Variants in UTRN observed in about 807,000 individuals in gnomAD.
The protein encoded by UTRN is utrophin.
UTRN carries 283 observed loss-of-function variants against 463.9 expected under a neutral mutation model. The ratio of observed to expected loss-of-function variants is 0.61; its 90% confidence interval spans 0.55 to 0.67. The LOEUF (loss-of-function observed/expected upper bound fraction) is 0.67. UTRN is among the 30% of genes least tolerant of loss of function. The pLI, the probability that UTRN is intolerant of heterozygous loss-of-function variation, is 0.00. For missense variants in UTRN, 3,922 were observed against 4,084.3 expected, an observed-to-expected ratio of 0.96 and a Z score of 1.08; for synonymous variants, 1,442 against 1,431.5, an observed-to-expected ratio of 1.01 and a Z score of -0.17.
At chr6:144,791,449 G>A (rs1035090073) in intron 62 of UTRN, among the ~76,000 whole-genome samples, 2 of 151,942 alleles carry the variant, frequency 1.3e-5, no homozygotes, top group Admixed American at 6.6e-5. Context: ...GTTCATGCCT[G>A]TAGTCCTAGC....
intron 17 of UTRN, among the ~76,000 whole-genome samples, 160 bp from the exon 18 acceptor site, chr6:144,451,210 T>A (rs1204909089): frequency 2.0e-5 from 3 of 152,240 alleles, no homozygotes; most frequent in Non-Finnish European, 4.4e-5. Flanking sequence ...GTTGTAAATA[T>A]ATGATCTCAT....
intron 2 of UTRN, among the ~76,000 whole-genome samples, chr6:144,294,126 AT>A (rs1217406340): frequency 5.9e-5 from 9 of 151,954 alleles, no homozygotes; most frequent in Non-Finnish European, 1.3e-4. Context: ...GAGTTCTTAT[AT>A]TTTTAAAGAT....
At chr6:144,382,454 C>G (rs1781018656) in intron 2 of UTRN, among the ~76,000 whole-genome samples, 1 of 152,164 alleles carries the variant, frequency 6.6e-6, no homozygotes. Context: ...AGACAATTCT[C>G]CAGGGGATTC....
Position 144,751,944 on chromosome 6 carries a change from CT to C in UTRN, c.8351del (p.Leu2784TyrfsTer62). The C allele has an allele frequency of 6.2e-7, 1 of 1,607,630 alleles. No individual in the cohort carries two copies. Among genetic ancestry groups the C allele is most frequent in the Non-Finnish European group, 8.5e-7 (1 of 1,177,452 alleles). The part of the protein sequence containing the change: ...QLDDLNMRWK[L>X]LQVSVDDRLK... The stretch of plus-strand genomic sequence containing the variant: ...AGATGACCTTAATATGCGATGGAAA[CT>C]TTTACAGGTATCAGCTTATTCCCCT... On this transcript the variant is annotated frameshift_variant, in exon 56 of 75. Transcript: ENST00000367545. LOFTEE classifies it high-confidence loss of function.
At chr6:144,587,676 C>T (rs1345082096) in intron 51 of UTRN, among the ~76,000 whole-genome samples, 3 of 152,032 alleles carry the variant, frequency 2.0e-5, no homozygotes, top group Middle Eastern at 3.4e-3. Context: ...ACCTTTTTTT[C>T]ACAGGAGAAC....
rs938243049 is a variant in UTRN at position 144,424,478 on chromosome 6, G to C, written c.405+400G>C. ...CCTGTATGACCTCATTCTAACTAGT[G>C]ACATCTGCAATGACCTTATTTCCAA... On this transcript the variant is annotated intron_variant, in intron 6 of 74. Transcript: ENST00000367545. Among the ~76,000 whole-genome samples the C allele has an allele frequency of 3.3e-5, 5 of 151,880 alleles. No individual in the cohort carries two copies. The South Asian group carries it at 1.0e-3, about 31-fold the overall frequency.
At chr6:144,644,905 C>A (rs1778137330) in intron 51 of UTRN, among the ~76,000 whole-genome samples, 1 of 152,160 alleles carries the variant, frequency 6.6e-6, no homozygotes, top group Admixed American at 6.5e-5. Context: ...GCTGCTTGCA[C>A]AAGGAAGTTT....
Position 144,522,110 on chromosome 6 carries a change from A to G in UTRN, c.5672A>G (p.Asn1891Ser), listed in dbSNP as rs754266598. The G allele has an allele frequency of 1.3e-6, 2 of 1,586,064 alleles. No homozygotes were observed. The highest frequency in any genetic ancestry group is 1.7e-6 in the Non-Finnish European group (2 of 1,167,772). The change falls in exon 40 of 75, where the codon AAT becomes AGT. Residue 1891 changes from asparagine to serine, a missense_variant. Asn to Ser is a conservative substitution (Grantham distance 46, BLOSUM62 1). Transcript: ENST00000367545. ...ATGGATGATGTTGAATTATCGCTTA[A>G]TGTTCCAGAGCTCAACACTGCTATT... ...LCMDDVELSL[N>S]VPELNTAIYE... is the part of the protein sequence containing the mutation.
At chr6:144,732,558 G>A (rs925424693) in intron 54 of UTRN, among the ~76,000 whole-genome samples, 9 of 151,180 alleles carry the variant, frequency 6.0e-5, no homozygotes, top group East Asian at 1.9e-4. Context: ...AATCATATTC[G>A]TGTTTCTCCC....
chr6:144,542,535 A>T (rs1798064037), intron 45 of UTRN, among the ~76,000 whole-genome samples: 1 of 152,176 alleles, frequency 6.6e-6, no homozygotes, highest in Non-Finnish European at 1.5e-5. Flanking sequence ...ACAGAATTCA[A>T]GGGAGGGGGA....
chr6:144,821,088 A>AC, intron 66 of UTRN, 70 bp downstream of exon 66: 1 of 1,532,734 alleles, frequency 6.5e-7, no homozygotes, highest in Non-Finnish European at 8.8e-7. Flanking sequence ...TATGTTAGTA[A>AC]CACAAGAGAA....
intron 53 of UTRN, among the ~76,000 whole-genome samples, chr6:144,709,897 A>G (rs1785493401): frequency 6.6e-6 from 1 of 152,204 alleles, no homozygotes; most frequent in Non-Finnish European, 1.5e-5. Flanking sequence ...AAATGATTTA[A>G]TGACTCCTTT....
Position 144,403,189 on chromosome 6 carries a change from CTG to C in UTRN, c.141+6_141+7del, listed in dbSNP as rs770695662. 1.9e-6 allele frequency: 3 copies of C among 1,612,252 alleles called. No individual in the cohort carries two copies. The highest frequency in any genetic ancestry group is 2.5e-6 in the Non-Finnish European group (3 of 1,178,998). ...ATAAATGCTCGATTTTCAAAGGTAA[CTG>C]AGACTTTCAAAAACTTCGATGGTTC... On this transcript the variant is annotated splice_donor_region_variant and intron_variant, in intron 3 of 74. Coordinates refer to ENST00000367545, the MANE Select transcript of UTRN (RefSeq NM_007124.3).
At chr6:144,816,733 CT>C (rs35967778) in intron 65 of UTRN, among the ~76,000 whole-genome samples, 126 of 132,042 alleles carry the variant, frequency 9.5e-4, no homozygotes, top group Non-Finnish European at 1.3e-3. Context: ...AGCTTTTTTC[CT>C]TTTTTTTTTT....
At chr6:144,693,520 C>T (rs756731064) in intron 52 of UTRN, among the ~76,000 whole-genome samples, 7 of 152,108 alleles carry the variant, frequency 4.6e-5, no homozygotes, top group South Asian at 4.1e-4. Context: ...CTCCTATCCA[C>T]GAGCATGGAA....
chr6:144,771,793 C>T (rs771383231), intron 58 of UTRN, 114 bp from the exon 59 acceptor site: 3 of 758,614 alleles, frequency 4.0e-6, no homozygotes, highest in Non-Finnish European at 4.0e-6. Flanking sequence ...GATAATTTTG[C>T]ATGTATTTTT....
At chr6:144,510,838 G>GTA in intron 34 of UTRN, 106 bp from the exon 35 acceptor site, 1 of 957,132 alleles carries the variant, frequency 1.0e-6, no homozygotes, top group East Asian at 3.1e-5. Context: ...AGGGAGTCAT[G>GTA]GACTACTTTG....
intron 2 of UTRN, among the ~76,000 whole-genome samples, chr6:144,371,340 C>T (rs760974694): frequency 1.7e-4 from 26 of 152,104 alleles, no homozygotes; most frequent in Non-Finnish European, 3.2e-4. Context: ...CCCTATTACC[C>T]ATTATTTACC....
chr6:144,610,431 T>C (rs1384539162), intron 51 of UTRN, among the ~76,000 whole-genome samples: 2 of 152,080 alleles, frequency 1.3e-5, no homozygotes, highest in Non-Finnish European at 1.5e-5. Context: ...GTAATAAAAA[T>C]TCTCCCACCA....
Sources: gnomAD v4.1 joint callset for allele counts (sites outside exome capture counted in the v4.1 genomes callset) on GRCh38, gnomAD v4.1.1 for gene constraint, MANE v1.5 for transcripts, NCBI Gene and HGNC (gene_info 2026-07-23, HGNC 2026-07-21) for gene names.